The following LINGO2 variants were observed in gnomAD, a reference collection of about 807,000 sequenced individuals.
The protein encoded by LINGO2 is leucine rich repeat and Ig domain containing 2, also known as leucine-rich repeat and immunoglobulin-like domain-containing nogo receptor-interacting protein 2.
Under a neutral mutation model 30.6 loss-of-function variants are expected in LINGO2, and 14 were observed. That is an observed-to-expected ratio of 0.46 (90% CI 0.30 to 0.72). LINGO2 has a LOEUF of 0.72. LINGO2 is among the 30% of genes least tolerant of loss of function. The probability of loss-of-function intolerance (pLI) is 0.07; values close to 1 mark genes in which losing one functional copy is unlikely to be tolerated. For synonymous variants in LINGO2, 317 were observed against 288.5 expected, an observed-to-expected ratio of 1.10 and a Z score of -1.00; for missense variants, 729 against 751.7, an observed-to-expected ratio of 0.97 and a Z score of 0.35.
intron 4 of LINGO2, among the ~76,000 whole-genome samples, chr9:28,134,723 A>G (rs1160349779): frequency 6.6e-6 from 1 of 152,276 alleles, no homozygotes; most frequent in East Asian, 1.9e-4. Flanking sequence ...TGATGAATCT[A>G]ATAGCCATGT....
chr9:28,328,541 A>T (rs553560828), intron 3 of LINGO2, among the ~76,000 whole-genome samples: 8 of 144,302 alleles, frequency 5.5e-5, no homozygotes, highest in East Asian at 2.0e-4. Flanking sequence ...AAGATTTTTT[A>T]AAAAGTCCAT....
At chr9:28,523,682 T>C (rs899784015) in intron 1 of LINGO2, among the ~76,000 whole-genome samples, 2 of 152,150 alleles carry the variant, frequency 1.3e-5, no homozygotes, top group African/African-American at 4.8e-5. Flanking sequence ...ATTTCATTCA[T>C]AATGATTTAA....
intron 4 of LINGO2, among the ~76,000 whole-genome samples, chr9:28,123,265 G>T (rs1827149161): frequency 2.0e-5 from 3 of 152,046 alleles, no homozygotes; most frequent in Non-Finnish European, 2.9e-5. Context: ...GTTTCAAAAA[G>T]GAAATCTAAT....
At position 28,506,473 on chromosome 9, in the gene LINGO2, CACACACATACACAT is replaced by C. The variant is rs1564250627; in HGVS notation, c.-364-30462_-364-30449del. On this transcript the variant is annotated intron_variant, in intron 1 of 5. Transcript: ENST00000379992. ...ACACACACATACACATACACACACACACACACATACACATACACACACACACACAGACATATATA... is the reference window on the plus strand; with the variant it reads ...ACACACACATACACATACACACACACACACACACACACACAGACATATATA... Among the ~76,000 whole-genome samples, 76 of 7,786 alleles carry C rather than the reference CACACACATACACAT, an allele frequency of 9.8e-3. 14 individuals are homozygous for C. The highest frequency in any genetic ancestry group is 0.054 in the Non-Finnish European group (42 of 772). 5.1% of individuals were successfully genotyped at this position (7,786 alleles called of 152,430 possible).
chr9:28,512,643 AT>A, intron 1 of LINGO2, among the ~76,000 whole-genome samples: 1 of 60,882 alleles, frequency 1.6e-5, no homozygotes. Flanking sequence ...ATATACACAC[AT>A]ACATACACAC....
the LINGO2 span, among the ~76,000 whole-genome samples, chr9:28,842,257 T>C: frequency 6.6e-6 from 1 of 151,888 alleles, no homozygotes. Context: ...TTGTAGGATT[T>C]ATTCCTCATA....
chr9:28,856,082 T>C, the LINGO2 span, among the ~76,000 whole-genome samples: 1,131 of 152,032 alleles, frequency 7.4e-3, 11 homozygotes, highest in Non-Finnish European at 8.7e-3. Flanking sequence ...TGCTACATTT[T>C]TGGGGGCAAA....
intron 1 of LINGO2, among the ~76,000 whole-genome samples, chr9:28,593,616 A>G (rs1825031210): frequency 6.6e-6 from 1 of 152,046 alleles, no homozygotes; most frequent in South Asian, 2.1e-4. Flanking sequence ...CATATTTAAA[A>G]CTTCTCTGCA....
the LINGO2 span, among the ~76,000 whole-genome samples, chr9:29,077,720 A>T: frequency 1.3e-5 from 2 of 152,048 alleles, no homozygotes; most frequent in Non-Finnish European, 2.9e-5. Flanking sequence ...CTTCATGAGC[A>T]GGGCTTTTAA....
intron 3 of LINGO2, among the ~76,000 whole-genome samples, chr9:28,297,632 G>T (rs547457086): frequency 6.6e-6 from 1 of 152,124 alleles, no homozygotes; most frequent in Admixed American, 6.6e-5. Flanking sequence ...AGCACTATAG[G>T]CCAAGGGAAA....
At chr9:28,623,638 C>T (rs559653318) in intron 1 of LINGO2, among the ~76,000 whole-genome samples, 5 of 151,884 alleles carry the variant, frequency 3.3e-5, no homozygotes, top group South Asian at 4.2e-4. Flanking sequence ...TAATTCCTCC[C>T]GTTTTGTTCT....
chr9:28,788,523 T>C, the LINGO2 span, among the ~76,000 whole-genome samples: 1 of 152,218 alleles, frequency 6.6e-6, no homozygotes, highest in Non-Finnish European at 1.5e-5. Flanking sequence ...TAGTACATTT[T>C]CATACCGCTA....
At chr9:29,008,973 A>C in the LINGO2 span, among the ~76,000 whole-genome samples, 8 of 152,208 alleles carry the variant, frequency 5.3e-5, no homozygotes, top group South Asian at 1.4e-3. Context: ...GCCTTCAAAA[A>C]AATTCAACAG....
chr9:28,022,898 G>A (rs1021583491), intron 4 of LINGO2, among the ~76,000 whole-genome samples: 15 of 150,420 alleles, frequency 1.0e-4, no homozygotes, highest in African/African-American at 3.4e-4. Context: ...CAGTTTGGGA[G>A]GCTTCTATTG....
chr9:29,148,801 A>G, the LINGO2 span, among the ~76,000 whole-genome samples: 13 of 152,278 alleles, frequency 8.5e-5, no homozygotes, highest in African/African-American at 3.1e-4. Flanking sequence ...TTCTCTACAA[A>G]TGTGGGTGAT....
At chr9:28,467,113 C>T (rs1434954641) in intron 2 of LINGO2, among the ~76,000 whole-genome samples, 2 of 151,918 alleles carry the variant, frequency 1.3e-5, no homozygotes, top group African/African-American at 4.8e-5. Flanking sequence ...GCAAGCTCCG[C>T]CTCCTGGGTT....
intron 1 of LINGO2, among the ~76,000 whole-genome samples, chr9:28,511,377 C>A (rs1260754234): frequency 1.3e-5 from 2 of 152,170 alleles, no homozygotes; most frequent in East Asian, 3.9e-4. Context: ...TTGGTCTCTG[C>A]TGCTGGAAAA....
At chr9:28,236,120 A>G (rs1821555132) in intron 4 of LINGO2, among the ~76,000 whole-genome samples, 1 of 152,212 alleles carries the variant, frequency 6.6e-6, no homozygotes, top group Admixed American at 6.5e-5. Flanking sequence ...ATGGCACTCC[A>G]GTACATCTGG....
At chr9:28,334,354 A>G (rs914160874) in intron 3 of LINGO2, among the ~76,000 whole-genome samples, 2 of 152,184 alleles carry the variant, frequency 1.3e-5, no homozygotes, top group Non-Finnish European at 2.9e-5. Context: ...TAAAGACACT[A>G]TTCAGCCAAT....
Sources: gnomAD v4.1 joint callset for allele counts (sites outside exome capture counted in the v4.1 genomes callset) on GRCh38, gnomAD v4.1.1 for gene constraint, MANE v1.5 for transcripts, NCBI Gene and HGNC (gene_info 2026-07-23, HGNC 2026-07-21) for gene names.